The following MECOM variants were observed in gnomAD, a reference collection of about 807,000 sequenced individuals.
MECOM encodes MDS1 and EVI1 complex locus, also known as histone-lysine N-methyltransferase MECOM.
A neutral mutation model predicts 116.3 loss-of-function variants in MECOM; 13 were observed. The ratio of observed to expected loss-of-function variants is 0.11; its 90% CI spans 0.07 to 0.18. The LOEUF is 0.18. Among genes scored for constraint, MECOM ranks in the 10% least tolerant of loss-of-function variants. MECOM has a pLI of 1.00. For synonymous variants in MECOM, 528 were observed against 535.2 expected (o/e 0.99, Z 0.19); for missense variants, 1,299 against 1,509.0 (o/e 0.86, Z 2.31).
At chr3:169,124,581 T>C (rs1732192176) in intron 5 of MECOM, among the ~76,000 whole-genome samples, 1 of 152,044 alleles carries the variant, frequency 6.6e-6, no homozygotes, top group African/African-American at 2.4e-5. Flanking sequence ...TTTAATGTGG[T>C]ATTGAACTTA....
chr3:169,586,903 T>C (rs1460978684), intron 1 of MECOM, among the ~76,000 whole-genome samples: 1 of 152,234 alleles, frequency 6.6e-6, no homozygotes, highest in Non-Finnish European at 1.5e-5. Flanking sequence ...AGTGCTGGCA[T>C]ATCTGTAGTA....
intron 2 of MECOM, among the ~76,000 whole-genome samples, chr3:169,245,643 G>T (rs1001492075): frequency 6.6e-6 from 1 of 152,144 alleles, no homozygotes; most frequent in Non-Finnish European, 1.5e-5. Context: ...AGAGGTCTTA[G>T]GAGAGAATGT....
At chr3:169,492,279 T>C (rs1462220233) in intron 1 of MECOM, among the ~76,000 whole-genome samples, 1 of 152,224 alleles carries the variant, frequency 6.6e-6, no homozygotes, top group African/African-American at 2.4e-5. Flanking sequence ...TACGACCTAG[T>C]TGACCAACTC....
At chr3:169,151,333 C>A (rs73167980) in intron 2 of MECOM, among the ~76,000 whole-genome samples, 1 of 152,088 alleles carries the variant, frequency 6.6e-6, no homozygotes, top group Non-Finnish European at 1.5e-5. Context: ...TTTTCAATAC[C>A]GTAAAGTTAA....
At chr3:169,229,576 GTC>G (rs921282215) in intron 2 of MECOM, among the ~76,000 whole-genome samples, 1 of 152,092 alleles carries the variant, frequency 6.6e-6, no homozygotes, top group Non-Finnish European at 1.5e-5. Context: ...GCTGAATGAG[GTC>G]TGGATTCTGG....
chr3:169,146,260 C>A (rs1739883313), intron 2 of MECOM: 1 of 1,187,594 alleles, frequency 8.4e-7, no homozygotes, highest in Non-Finnish European at 1.1e-6. Context: ...GACTTTCTCG[C>A]GAAGCAGCAC....
chr3:169,350,868 A>C (rs1726207291), intron 2 of MECOM, among the ~76,000 whole-genome samples: 1 of 151,872 alleles, frequency 6.6e-6, no homozygotes, highest in South Asian at 2.1e-4. Context: ...ATAATAAAAC[A>C]AAAATCTCTT....
At chr3:169,378,439 A>AGCGAGCGAGCGAGCG (rs1731525243) in intron 2 of MECOM, among the ~76,000 whole-genome samples, 1 of 83,488 alleles carries the variant, frequency 1.2e-5, no homozygotes, top group African/African-American at 8.0e-5. Flanking sequence ...GAAAGAAAGA[A>AGCGAGCGAGCGAGCG]AGAAAGAAAG....
At chr3:169,289,397 G>T (rs1277249668) in intron 2 of MECOM, among the ~76,000 whole-genome samples, 1 of 152,118 alleles carries the variant, frequency 6.6e-6, no homozygotes, top group Non-Finnish European at 1.5e-5. Flanking sequence ...GCCAATGTTG[G>T]GATGGTTACT....
intron 2 of MECOM, among the ~76,000 whole-genome samples, chr3:169,338,658 A>T (rs776403713): frequency 1.3e-5 from 2 of 150,684 alleles, no homozygotes; most frequent in Non-Finnish European, 3.0e-5. Flanking sequence ...CTGCAAGAAA[A>T]GGAGAGTAAA....
chr3:169,482,889 T>G (rs1751546579), intron 1 of MECOM, among the ~76,000 whole-genome samples: 1 of 152,246 alleles, frequency 6.6e-6, no homozygotes, highest in Non-Finnish European at 1.5e-5. Context: ...CTTGCCAATA[T>G]TTCTAATGGA....
intron 5 of MECOM, among the ~76,000 whole-genome samples, chr3:169,126,498 A>G (rs1052282873): frequency 6.6e-6 from 1 of 151,962 alleles, no homozygotes; most frequent in African/African-American, 2.4e-5. Flanking sequence ...TGGCTTTTTT[A>G]TTACAAATCC....
chr3:169,537,566 A>G (rs1490452912), intron 1 of MECOM, among the ~76,000 whole-genome samples: 2 of 152,164 alleles, frequency 1.3e-5, no homozygotes, highest in African/African-American at 4.8e-5. Context: ...AAACCTGCCA[A>G]TGTTATAATT....
At chr3:169,454,320 A>G (rs1294156702) in intron 1 of MECOM, among the ~76,000 whole-genome samples, 1 of 133,264 alleles carries the variant, frequency 7.5e-6, no homozygotes, top group Non-Finnish European at 1.6e-5. Flanking sequence ...GGTTTGGAGG[A>G]TTTTTTTCTT....
chr3:169,487,274 G>A (rs568714510), intron 1 of MECOM, among the ~76,000 whole-genome samples: 11 of 151,698 alleles, frequency 7.3e-5, no homozygotes, highest in South Asian at 2.1e-4. Flanking sequence ...TAAATAATGT[G>A]TATAAATCTA....
At chr3:169,163,000 A>G (rs1248276066) in intron 2 of MECOM, among the ~76,000 whole-genome samples, 26 of 152,162 alleles carry the variant, frequency 1.7e-4, no homozygotes, top group Non-Finnish European at 5.9e-5. Context: ...AGGACTTTAT[A>G]TCTACATTAT....
At chr3:169,556,296 G>A (rs1033642863) in intron 1 of MECOM, among the ~76,000 whole-genome samples, 2 of 152,100 alleles carry the variant, frequency 1.3e-5, no homozygotes, top group East Asian at 1.9e-4. Context: ...AGGCTGACTC[G>A]GGGCTCCCAC....
At chr3:169,183,485 T>A (rs1746252967) in intron 2 of MECOM, among the ~76,000 whole-genome samples, 1 of 152,158 alleles carries the variant, frequency 6.6e-6, no homozygotes, top group African/African-American at 2.4e-5. Flanking sequence ...ACTTTTAAGA[T>A]CAACCATCCT....
intron 2 of MECOM, among the ~76,000 whole-genome samples, chr3:169,340,221 G>A (rs2106124): frequency 0.44 from 67,180 of 151,982 alleles, 18,731 homozygotes; most frequent in African/African-American, 0.77. Flanking sequence ...AGAAAATTCC[G>A]TAGTAGCTTT....
Sources: allele counts gnomAD v4.1 joint callset (sites outside exome capture counted in the v4.1 genomes callset), GRCh38; gene constraint gnomAD v4.1.1; transcripts MANE v1.5; gene names NCBI Gene and HGNC (gene_info 2026-07-23, HGNC 2026-07-21).